The following TTC29 variants were observed in gnomAD, a reference collection of about 807,000 sequenced individuals.
TTC29 encodes the protein tetratricopeptide repeat domain 29, also known as tetratricopeptide repeat protein 29.
Under a neutral mutation model 58.1 loss-of-function variants are expected in TTC29, and 49 were observed. The ratio of observed to expected loss-of-function variants is 0.84; its 90% CI spans 0.67 to 1.07. TTC29 has a LOEUF of 1.07. Among genes scored for constraint, TTC29 ranks in the 50% least tolerant of loss-of-function variants. TTC29 has a pLI of 0.00. For synonymous variants in TTC29, 209 were observed against 196.8 expected (o/e 1.06, Z -0.52); for missense variants, 582 against 555.6 (o/e 1.05, Z -0.48).
intron 11 of TTC29, among the ~76,000 whole-genome samples, chr4:146,745,100 C>T (rs948254461): frequency 3.3e-5 from 5 of 152,206 alleles, no homozygotes; most frequent in African/African-American, 7.2e-5. Context: ...CTATCGAGCA[C>T]ATGCCATGTT....
In TTC29 at chr4:146,790,622, T is replaced by C. The variant is rs377596439; in HGVS notation, c.1330+12835A>G. ...TAAGTAATTTTCTACTTTATACATG[T>C]AGGTGGAAAGTCAAGACTTGCTCTC... On this transcript the variant is annotated intron_variant, in intron 11 of 12. Transcript: ENST00000325106. Among the ~76,000 whole-genome samples, 31 of 152,280 alleles carry C rather than the reference T, an allele frequency of 2.0e-4. 1 individual carries two copies. In the South Asian group the frequency reaches 6.0e-3, roughly 30 times the overall value.
rs548369679 is a variant in TTC29 at position 146,873,016 on chromosome 4, C to T, written c.799+1700G>A. On this transcript the variant is annotated intron_variant, in intron 7 of 12. Coordinates refer to ENST00000325106, the MANE Select transcript of TTC29 (RefSeq NM_031956.4). The stretch of plus-strand genomic sequence containing the variant: ...TGTGGTATAACCATGCCATAGAAGG[C>T]GATTTGGCCCTATATGATGGATGAA... Among the ~76,000 whole-genome samples, 4 of 151,996 alleles carry T rather than the reference C, an allele frequency of 2.6e-5. No individual in the cohort carries two copies. The South Asian group carries it at 6.2e-4, about 24-fold the overall frequency.
At chr4:146,723,329 G>C (rs1043442436) in intron 11 of TTC29, among the ~76,000 whole-genome samples, 1 of 151,980 alleles carries the variant, frequency 6.6e-6, no homozygotes, top group Non-Finnish European at 1.5e-5. Flanking sequence ...CATGGGCCTT[G>C]GGAAATAATT....
rs1741995438 is a variant in TTC29, at chr4:146,706,892, T to A, written c.*266A>T. On this transcript the variant is annotated 3_prime_UTR_variant, in exon 13 of 13. Transcript: ENST00000325106. The stretch of plus-strand genomic sequence containing the variant: ...TTTGGTTTCATGGTATCACTATTTC[T>A]TGTGGAATAGTGGATAAGAGGAAAT... The A allele has an allele frequency of 3.3e-6, 1 of 302,420 alleles. No homozygotes were observed. Among genetic ancestry groups the A allele is most frequent in the African/African-American group, 2.2e-5 (1 of 46,410 alleles). The allele number at this position is 302,420 out of a possible 1,614,324, so 18.7% of individuals were successfully genotyped here. A position where few individuals can be genotyped will look rare whatever the true frequency, so the allele number is the denominator to read the frequency against.
At chr4:146,839,534 T>TTG (rs1728717528) in intron 8 of TTC29, among the ~76,000 whole-genome samples, 1 of 126,564 alleles carries the variant, frequency 7.9e-6, no homozygotes, top group African/African-American at 3.3e-5. Context: ...TTACATGAAC[T>TTG]CGTGTGTGTG....
chr4:146,725,557 A>C lies in TTC29; in HGVS notation c.1331-18006T>G, dbSNP rs936683922. ...GTTTCAAAAAAACAGTTACTGGAAAAAAGGCTACTTTTATGGCTAATTCCA... is the reference window on the plus strand; with the variant it reads ...GTTTCAAAAAAACAGTTACTGGAAACAAGGCTACTTTTATGGCTAATTCCA... On this transcript the variant is annotated intron_variant, in intron 11 of 12. Coordinates refer to ENST00000325106, the MANE Select transcript of TTC29 (RefSeq NM_031956.4). Among the ~76,000 whole-genome samples the C allele has an allele frequency of 6.6e-4, 101 of 152,148 alleles. 1 individual carries two copies. The highest frequency in any genetic ancestry group is 6.3e-4 in the Non-Finnish European group (43 of 68,018).
chr4:146,861,835 G>C (rs916852583), intron 8 of TTC29, among the ~76,000 whole-genome samples: 1 of 151,960 alleles, frequency 6.6e-6, no homozygotes, highest in African/African-American at 2.4e-5. Flanking sequence ...TTGGAAGGGA[G>C]AAAATTATGA....
chr4:146,808,936 C>T (rs969112912), intron 10 of TTC29, among the ~76,000 whole-genome samples: 3 of 152,148 alleles, frequency 2.0e-5, no homozygotes, highest in African/African-American at 4.8e-5. Context: ...CAAGACAATC[C>T]TAAGCAAAAA....
intron 6 of TTC29, among the ~76,000 whole-genome samples, chr4:146,903,038 ATCTATT>A (rs1177022320): frequency 1.3e-5 from 2 of 152,076 alleles, no homozygotes; most frequent in African/African-American, 4.8e-5. Flanking sequence ...ACTATATATT[ATCTATT>A]TCTGACAATT....
chr4:146,800,298 A>AG (rs1391713113), intron 11 of TTC29, among the ~76,000 whole-genome samples: 2 of 152,128 alleles, frequency 1.3e-5, no homozygotes, highest in African/African-American at 4.8e-5. Context: ...CTATTCCCTT[A>AG]GGGGGTCATG....
intron 8 of TTC29, among the ~76,000 whole-genome samples, chr4:146,848,595 C>A (rs1431717305): frequency 6.6e-6 from 1 of 152,186 alleles, no homozygotes; most frequent in Non-Finnish European, 1.5e-5. Flanking sequence ...AATGGCAAAA[C>A]AAACTGCTGC....
chr4:146,867,047 C>G (rs1393007725), intron 8 of TTC29, among the ~76,000 whole-genome samples: 1 of 152,170 alleles, frequency 6.6e-6, no homozygotes, highest in Non-Finnish European at 1.5e-5. Context: ...TCTGTTGCCT[C>G]CCCACTACCT....
chr4:146,747,574 G>A (rs1220951272), intron 11 of TTC29, among the ~76,000 whole-genome samples: 1 of 152,204 alleles, frequency 6.6e-6, no homozygotes, highest in African/African-American at 2.4e-5. Flanking sequence ...CAGAGCAAAT[G>A]TGGTGTCCCA....
intron 11 of TTC29, among the ~76,000 whole-genome samples, chr4:146,720,196 A>T (rs1743255431): frequency 2.0e-5 from 3 of 152,202 alleles, no homozygotes; most frequent in Admixed American, 1.3e-4. Flanking sequence ...GTTCAATATC[A>T]GATTGATCAA....
At chr4:146,763,539 G>T (rs926165885) in intron 11 of TTC29, among the ~76,000 whole-genome samples, 1 of 151,970 alleles carries the variant, frequency 6.6e-6, no homozygotes, top group Non-Finnish European at 1.5e-5. Flanking sequence ...GACTGGAAAG[G>T]GTTTTTTAAG....
At chr4:146,804,968 C>A (rs1202947298) in intron 10 of TTC29, among the ~76,000 whole-genome samples, 1 of 152,192 alleles carries the variant, frequency 6.6e-6, no homozygotes, top group Non-Finnish European at 1.5e-5. Flanking sequence ...GGTCGACAGA[C>A]ACCTCATACA....
intron 11 of TTC29, among the ~76,000 whole-genome samples, chr4:146,795,569 G>T (rs1357861019): frequency 6.6e-6 from 1 of 152,094 alleles, no homozygotes; most frequent in Non-Finnish European, 1.5e-5. Context: ...AGTTAAAAAG[G>T]CAGGGAAGAC....
At chr4:146,887,611 G>C (rs543053504) in intron 6 of TTC29, among the ~76,000 whole-genome samples, 7 of 152,046 alleles carry the variant, frequency 4.6e-5, no homozygotes, top group Non-Finnish European at 1.0e-4. Flanking sequence ...GTTTAGACTA[G>C]ATTACTTTGA....
intron 4 of TTC29, among the ~76,000 whole-genome samples, chr4:146,923,320 A>T (rs948145908): frequency 1.3e-5 from 2 of 151,774 alleles, no homozygotes; most frequent in African/African-American, 4.8e-5. Flanking sequence ...AGATACAAAA[A>T]TCACACACGC....
Sources: allele counts gnomAD v4.1 joint callset (sites outside exome capture counted in the v4.1 genomes callset), GRCh38; gene constraint gnomAD v4.1.1; transcripts MANE v1.5; gene names NCBI Gene and HGNC (gene_info 2026-07-23, HGNC 2026-07-21).